Variants in SEMA4A observed in about 807,000 individuals in gnomAD.
SEMA4A encodes semaphorin-4A.
In SEMA4A, 52 loss-of-function variants were observed where a neutral mutation model predicts 72.5. The ratio of observed to expected loss-of-function variants is 0.72; its 90% confidence interval spans 0.57 to 0.90. The LOEUF (loss-of-function observed/expected upper bound fraction) is 0.90, where lower values mean the gene tolerates loss of function less well. Ranked by LOEUF, SEMA4A falls within the 40% of genes least tolerant of loss-of-function variation. SEMA4A has a pLI of 0.00. For synonymous variants in SEMA4A, 369 were observed against 393.1 expected, an observed-to-expected ratio of 0.94 and a Z score of 0.73; for missense variants, 926 against 959.7, an observed-to-expected ratio of 0.96 and a Z score of 0.46.
chr1:156,176,715 C>T lies in SEMA4A; in HGVS notation c.2004C>T (p.Val668=), dbSNP rs1161362934. The change falls in exon 15 of 15, where the codon GTC becomes GTT. Residue 668 remains valine, a synonymous_variant. Transcript: ENST00000368285. ...REHVKVPLTR[V]SGGAALAAQQ... is the part of the protein sequence containing the mutation. ...ATGTGAAGGTCCCGTTGACCAGGGT[C>T]AGTGGTGGGGCCGCCCTGGCTGCCC... The T allele has an allele frequency of 6.2e-7, 1 of 1,613,840 alleles. No individual in the cohort carries two copies. The highest frequency in any genetic ancestry group is 8.5e-7 in the Non-Finnish European group (1 of 1,179,738).
intron 7 of SEMA4A, 54 bp downstream of exon 7, chr1:156,160,613 A>T (rs1653499515): frequency 1.4e-6 from 2 of 1,466,794 alleles, no homozygotes; most frequent in African/African-American, 1.4e-5. Context: ...GACCTTGCTA[A>T]TTCACTCAAC....
Position 156,154,596 on chromosome 1 carries a change from G to A in SEMA4A, c.18G>A (p.Leu6=), listed in dbSNP as rs1332607054. Residue 6 remains leucine, a synonymous_variant, in exon 2 of 15, where the codon CTG becomes CTA. Transcript: ENST00000368285. ...GGCTGAGCATGGCCCTCCCAGCCCT[G>A]GGCCTGGACCCCTGGAGCCTCCTGG... MALPA[L]GLDPWSLLGL... is the part of the protein sequence containing the mutation. 10 of 1,610,856 alleles carry A rather than the reference G, an allele frequency of 6.2e-6. No individual in the cohort carries two copies. The highest frequency in any genetic ancestry group is 1.1e-5 in the South Asian group (1 of 90,506).
At chr1:156,158,635 C>A in intron 5 of SEMA4A, 84 bp from the exon 6 acceptor site, 1 of 1,350,568 alleles carries the variant, frequency 7.4e-7, no homozygotes, top group Non-Finnish European at 1.1e-6. Context: ...CCCTCTATGT[C>A]CCTTTCCCTT....
chr1:156,163,041 A>G lies in SEMA4A; in HGVS notation c.1081A>G (p.Thr361Ala), dbSNP rs1653814507. The G allele has an allele frequency of 1.2e-6, 2 of 1,614,074 alleles. No individual in the cohort carries two copies. Among genetic ancestry groups the G allele is most frequent in the African/African-American group, 1.3e-5 (1 of 75,002 alleles). ...GAAATACAAAGAGTTGAACAAAGAA[A>G]CTTCACGCTGGACTACTTATAGGGG... ...KGKYKELNKE[T>A]SRWTTYRGPE... Residue 361 changes from threonine (T) to alanine (A), a missense_variant, in exon 10 of 15, where the codon ACT (threonine) becomes GCT (alanine). Physicochemically the swap from Thr to Ala is moderately conservative, Grantham distance 58 (BLOSUM62 0). Coordinates refer to ENST00000368285, the MANE Select transcript of SEMA4A (RefSeq NM_022367.4).
chr1:156,158,928 G>A, intron 6 of SEMA4A, 104 bp downstream of exon 6: 1 of 925,332 alleles, frequency 1.1e-6, no homozygotes, highest in Non-Finnish European at 1.8e-6. Context: ...GAAACTGGGT[G>A]TGGTGATGCG....
chr1:156,163,110 C>G lies in SEMA4A; in HGVS notation c.1134+16C>G, dbSNP rs749715293. 8.7e-6 allele frequency: 14 copies of G among 1,606,742 alleles called. No homozygotes were observed. The highest frequency in any genetic ancestry group is 6.8e-5 in the African/African-American group (5 of 73,816). Reference sequence around the variant, plus strand: ...GCCAGGCAGTGTGAGTACTACCCCCCACACTGAGCACAGTCTACACATACA... The same window carrying G: ...GCCAGGCAGTGTGAGTACTACCCCCGACACTGAGCACAGTCTACACATACA... On this transcript the variant is annotated intron_variant, in intron 10 of 14. Coordinates refer to ENST00000368285, the MANE Select transcript of SEMA4A (RefSeq NM_022367.4).
At position 156,156,060 on chromosome 1, in the gene SEMA4A, T is replaced by C. The variant is rs1186855416; in HGVS notation, c.140-354T>C. 2.2e-5 allele frequency: 8 copies of C among 358,202 alleles called. No homozygotes were observed. The Admixed American group carries it at 3.0e-4, about 14-fold the overall frequency. The allele number at this position is 358,202 out of a possible 1,614,324, so 22.2% of individuals were successfully genotyped here. A position where few individuals can be genotyped will look rare whatever the true frequency, so the allele number is the denominator to read the frequency against. On this transcript the variant is annotated intron_variant, in intron 2 of 14. Transcript: ENST00000368285. Reference sequence around the variant, plus strand: ...TTGCTGCTTGTGGCTGCCAACACTTTCCTGTTTGTCTGTCTGCCTGCTGCT... The same window carrying C: ...TTGCTGCTTGTGGCTGCCAACACTTCCCTGTTTGTCTGTCTGCCTGCTGCT...
intron 10 of SEMA4A, among the ~76,000 whole-genome samples, chr1:156,169,269 TTC>T (rs142708846): frequency 2.5e-4 from 38 of 150,694 alleles, no homozygotes; most frequent in Non-Finnish European, 2.2e-4. Context: ...GAGAAGATTC[TTC>T]TCTCTCTCTC....
At chr1:156,164,014 G>C (rs1377686947) in intron 10 of SEMA4A, among the ~76,000 whole-genome samples, 1 of 139,494 alleles carries the variant, frequency 7.2e-6, no homozygotes, top group Non-Finnish European at 1.5e-5. Context: ...TGGGTGACCA[G>C]AGCAAGATGC....
At chr1:156,150,229 A>C (rs1002310138), upstream of SEMA4A, 16 of 152,346 alleles carry the variant, frequency 1.1e-4, no homozygotes, top group African/African-American at 3.9e-4. Flanking sequence ...TTCCAGAGCT[A>C]GTCAGACTGG....
At chr1:156,148,277 T>G (rs1265331029), upstream of SEMA4A, among the ~76,000 whole-genome samples, 1 of 152,180 alleles carries the variant, frequency 6.6e-6, no homozygotes. Context: ...CCCACCATCT[T>G]AATTTCAAAT....
chr1:156,163,359 G>C (rs1653858168), intron 10 of SEMA4A: 2 of 493,520 alleles, frequency 4.1e-6, no homozygotes. Flanking sequence ...TGGAAACAAG[G>C]GAACATGCGC....
intron 11 of SEMA4A, 123 bp downstream of exon 11, chr1:156,173,129 A>G (rs1654964375): frequency 1.7e-5 from 17 of 1,004,604 alleles, no homozygotes; most frequent in Non-Finnish European, 2.6e-5. Context: ...AGCACCTGCT[A>G]TGTGCCTGGC....
chr1:156,171,599 C>G (rs1205627166), intron 10 of SEMA4A, among the ~76,000 whole-genome samples: 1 of 151,972 alleles, frequency 6.6e-6, no homozygotes, highest in Non-Finnish European at 1.5e-5. Flanking sequence ...TTTTTTGAGA[C>G]ACAGTTTCAC....
Position 156,175,241 on chromosome 1 carries a change from C to A in SEMA4A, c.1590C>A (p.Asn530Lys), listed in dbSNP as rs1395173123. 26 of 1,611,006 alleles carry A rather than the reference C, an allele frequency of 1.6e-5. No individual in the cohort carries two copies. Among genetic ancestry groups the A allele is most frequent in the Non-Finnish European group, 2.2e-5 (26 of 1,178,268 alleles). ...SRTCCLLSAP[N>K]LNSWKQDMER... Reference sequence around the variant, plus strand: ...CCTGTTGCCTCCTGTCTGCCCCCAACCTGTGAGTGCCAGTCCTGGATGGTG... The same window carrying A: ...CCTGTTGCCTCCTGTCTGCCCCCAAACTGTGAGTGCCAGTCCTGGATGGTG... The change falls in exon 13 of 15, where the codon AAC (asparagine) becomes AAA (lysine). Residue 530 changes from asparagine (N) to lysine (K), a missense_variant and splice_region_variant. By Grantham distance (94) the Asn-to-Lys change is moderately conservative. Transcript: ENST00000368285.
At chr1:156,150,957 C>A (rs909611085), upstream of SEMA4A, among the ~76,000 whole-genome samples, 2 of 152,146 alleles carry the variant, frequency 1.3e-5, no homozygotes, top group East Asian at 3.9e-4. Flanking sequence ...GACACGGCCC[C>A]TGTGGGCAGG....
At chr1:156,165,769 T>A (rs1374287001) in intron 10 of SEMA4A, among the ~76,000 whole-genome samples, 2 of 152,084 alleles carry the variant, frequency 1.3e-5, no homozygotes, top group Non-Finnish European at 2.9e-5. Context: ...CCTGGTGTTC[T>A]GAAATTTCAT....
rs555308973 is a variant in SEMA4A, at chr1:156,170,908, G to C, written c.1135-1918G>C. Among the ~76,000 whole-genome samples the C allele has an allele frequency of 2.0e-5, 3 of 151,766 alleles. No homozygotes were observed. The East Asian group carries it at 5.9e-4, about 30-fold the overall frequency. On this transcript the variant is annotated intron_variant, in intron 10 of 14. Transcript: ENST00000368285. ...TGCACTCCAGCCTGGATGACAGTGA[G>C]ACCCTGTTTCAAAAAACAATTTTTT...
Position 156,160,332 on chromosome 1 carries a change from G to T in SEMA4A, c.569-111G>T, listed in dbSNP as rs545082767. On this transcript the variant is annotated intron_variant, in intron 6 of 14. Coordinates refer to ENST00000368285, the MANE Select transcript of SEMA4A (RefSeq NM_022367.4). Reference sequence around the variant, plus strand: ...CTCCCCAGGAAGGTGCAGAACTGATGCAGGGCCCCCGAGACTGATATGGAT... The same window carrying T: ...CTCCCCAGGAAGGTGCAGAACTGATTCAGGGCCCCCGAGACTGATATGGAT... 42 of 847,334 alleles carry T rather than the reference G, an allele frequency of 5.0e-5. 1 individual carries two copies. In the South Asian group the frequency reaches 5.6e-4, roughly 11 times the overall value. The allele number at this position is 847,334 out of a possible 1,614,324, so 52.5% of individuals were successfully genotyped here.
Sources: gnomAD v4.1 joint callset for allele counts (sites outside exome capture counted in the v4.1 genomes callset) on GRCh38, gnomAD v4.1.1 for gene constraint, MANE v1.5 for transcripts, NCBI Gene and HGNC (gene_info 2026-07-23, HGNC 2026-07-21) for gene names.